Variants in RREB1 observed in about 807,000 individuals in gnomAD.
RREB1 encodes the protein ras-responsive element-binding protein 1.
RREB1 carries 27 observed loss-of-function variants against 117.8 expected under a neutral mutation model. The observed-to-expected ratio is 0.23, with a 90% CI of 0.17 to 0.32. The LOEUF (loss-of-function observed/expected upper bound fraction) is 0.32, where lower values mean the gene tolerates loss of function less well. RREB1 is among the 10% of genes least tolerant of loss of function. The pLI, the probability that RREB1 is intolerant of heterozygous loss-of-function variation, is 1.00. For synonymous variants in RREB1, 1,298 were observed against 1,026.7 expected (o/e 1.26, Z -5.05); for missense variants, 2,577 against 2,378.2 (o/e 1.08, Z -1.74).
chr6:7,172,697 G>C lies in RREB1; in HGVS notation c.-284-3958G>C, dbSNP rs974259175. 6.8e-5 allele frequency among the ~76,000 whole-genome samples: 10 copies of C among 147,588 alleles called. No homozygotes were observed. In the East Asian group the frequency reaches 1.2e-3, roughly 17 times the overall value. ...CAGCCACGGGTTGCCGGTGTGGGGGGGTGGGGGTGACTTTCTTGGGTTGCC... is the reference window on the plus strand; with the variant it reads ...CAGCCACGGGTTGCCGGTGTGGGGGCGTGGGGGTGACTTTCTTGGGTTGCC... On this transcript the variant is annotated intron_variant, in intron 1 of 12. Transcript: ENST00000379938.
In RREB1 at chr6:7,231,163, G is replaced by A. The variant is rs1203632708; in HGVS notation, c.3064G>A (p.Ala1022Thr). The A allele has an allele frequency of 8.1e-6, 13 of 1,611,804 alleles. No individual in the cohort carries two copies. The highest frequency in any genetic ancestry group is 1.1e-5 in the South Asian group (1 of 91,060). The change falls in exon 10 of 13, where the codon GCC (alanine) becomes ACC (threonine). Residue 1022 changes from alanine to threonine, a missense_variant. Coordinates refer to ENST00000379938, the MANE Select transcript of RREB1 (RefSeq NM_001003699.4). ...VQLAVPIYSS[A>T]LVSSPPLVGS... Reference sequence around the variant, plus strand: ...GCTGGCGGTCCCAATCTACTCCTCAGCCCTGGTCAGCAGCCCTCCACTCGT... The same window carrying A: ...GCTGGCGGTCCCAATCTACTCCTCAACCCTGGTCAGCAGCCCTCCACTCGT...
chr6:7,246,073 G>C (rs546898306), intron 11 of RREB1, among the ~76,000 whole-genome samples: 5 of 152,304 alleles, frequency 3.3e-5, no homozygotes, highest in Admixed American at 2.6e-4. Context: ...AGCGCTGCGA[G>C]TCTCTGGAAT....
At chr6:7,204,217 A>G (rs1048130952) in intron 6 of RREB1, among the ~76,000 whole-genome samples, 1 of 152,136 alleles carries the variant, frequency 6.6e-6, no homozygotes, top group African/African-American at 2.4e-5. Flanking sequence ...CTGAACCCAT[A>G]CAACACCTGA....
At chr6:7,221,979 A>G (rs76640217) in intron 8 of RREB1, among the ~76,000 whole-genome samples, 15,695 of 152,254 alleles carry the variant, frequency 0.1, 1,321 homozygotes, top group East Asian at 0.38. Flanking sequence ...GCAGTTTTCA[A>G]AGCACTTTGT....
Position 7,230,676 on chromosome 6 carries a change from C to T in RREB1, c.2577C>T (p.Leu859=). ...GCAALGDCKP[L]TAFLEPQNGF... ...CTGCCCTTGGTGACTGCAAGCCCCT[C>T]ACTGCCTTCCTGGAACCCCAGAACG... Residue 859 remains leucine, a synonymous_variant, in exon 10 of 13, where the codon CTC becomes CTT. Transcript: ENST00000379938. The T allele has an allele frequency of 6.3e-7, 1 of 1,594,270 alleles. No homozygotes were observed. Among genetic ancestry groups the T allele is most frequent in the South Asian group, 1.1e-5 (1 of 88,530 alleles).
At chr6:7,134,839 G>A (rs927946739) in intron 1 of RREB1, among the ~76,000 whole-genome samples, 2 of 152,330 alleles carry the variant, frequency 1.3e-5, no homozygotes, top group Admixed American at 1.3e-4. Flanking sequence ...GTTCTGAACC[G>A]CAAGTGGAGT....
chr6:7,179,118 T>A (rs577907695), intron 2 of RREB1, among the ~76,000 whole-genome samples: 7 of 152,348 alleles, frequency 4.6e-5, no homozygotes, highest in African/African-American at 1.7e-4. Flanking sequence ...TTCCCTCCTC[T>A]CCACTTCCTT....
At chr6:7,174,487 AG>A (rs1764403984) in intron 1 of RREB1, among the ~76,000 whole-genome samples, 1 of 152,170 alleles carries the variant, frequency 6.6e-6, no homozygotes, top group Admixed American at 6.5e-5. Flanking sequence ...TTTAAAATGA[AG>A]GGAAATAAAA....
chr6:7,145,050 G>A (rs1029873392), intron 1 of RREB1, among the ~76,000 whole-genome samples: 1 of 152,066 alleles, frequency 6.6e-6, no homozygotes, highest in Non-Finnish European at 1.5e-5. Flanking sequence ...GTGTAGAGGG[G>A]AAGATCTGTC....
rs1163320176 is a variant in RREB1, at chr6:7,248,646, G to A, written c.4907G>A (p.Gly1636Asp). The change falls in exon 13 of 13, where the codon GGT becomes GAT. Residue 1636 changes from glycine (G) to aspartate (D), a missense_variant. By Grantham distance (94) the Gly-to-Asp change is moderately conservative. Transcript: ENST00000379938. ...HGKDSDKEER[G>D]EEDSENESTH... Reference sequence around the variant, plus strand: ...AAGGACAGCGACAAGGAAGAGCGGGGTGAGGAGGACAGCGAGAATGAGTCC... The same window carrying A: ...AAGGACAGCGACAAGGAAGAGCGGGATGAGGAGGACAGCGAGAATGAGTCC... The A allele has an allele frequency of 1.2e-6, 2 of 1,614,130 alleles. No individual in the cohort carries two copies. The highest frequency in any genetic ancestry group is 3.3e-5 in the Admixed American group (2 of 60,004).
At chr6:7,205,358 AT>A (rs2113604103) in intron 6 of RREB1, among the ~76,000 whole-genome samples, 1 of 152,244 alleles carries the variant, frequency 6.6e-6, no homozygotes, top group Admixed American at 6.5e-5. Flanking sequence ...GATTGTCCCC[AT>A]TTTACCAGTG....
Position 7,231,249 on chromosome 6 carries a change from G to C in RREB1, c.3150G>C (p.Pro1050=), listed in dbSNP as rs146203523. The C allele has an allele frequency of 6.2e-7, 1 of 1,611,698 alleles. No homozygotes were observed. Among genetic ancestry groups the C allele is most frequent in the African/African-American group, 1.3e-5 (1 of 74,770 alleles). Residue 1050 remains proline, a synonymous_variant, in exon 10 of 13, where the codon CCG becomes CCC. Transcript: ENST00000379938. ...TGCGTCCACTGCGGCCCAAGCCCCC[G>C]CTGCTTTTGCCAAAGCCCCCCGTGA... ...ALLRPLRPKP[P]LLLPKPPVTE...
At chr6:7,167,245 C>G (rs1459542607) in intron 1 of RREB1, among the ~76,000 whole-genome samples, 1 of 152,104 alleles carries the variant, frequency 6.6e-6, no homozygotes, top group Non-Finnish European at 1.5e-5. Context: ...CGCCAGATAG[C>G]ATGGCGACTG....
At chr6:7,186,585 G>A (rs570063050) in intron 4 of RREB1, among the ~76,000 whole-genome samples, 1 of 152,332 alleles carries the variant, frequency 6.6e-6, no homozygotes, top group Admixed American at 6.5e-5. Context: ...TAGGGACTGT[G>A]GGGGTGAGGA....
intron 11 of RREB1, among the ~76,000 whole-genome samples, chr6:7,241,895 G>A (rs1258023623): frequency 1.3e-5 from 2 of 152,194 alleles, no homozygotes; most frequent in Non-Finnish European, 2.9e-5. Flanking sequence ...GGGTGCCCAC[G>A]GAATCTTAGC....
intron 8 of RREB1, among the ~76,000 whole-genome samples, chr6:7,221,507 C>T (rs1689877093): frequency 6.6e-6 from 1 of 152,224 alleles, no homozygotes; most frequent in Non-Finnish European, 1.5e-5. Flanking sequence ...TTCCTTTTAA[C>T]CAGCTGCACC....
intron 1 of RREB1, among the ~76,000 whole-genome samples, chr6:7,124,040 A>G (rs906647352): frequency 1.3e-5 from 2 of 152,102 alleles, no homozygotes; most frequent in Non-Finnish European, 2.9e-5. Context: ...GAAAGTGGAC[A>G]CTCTGCTTTA....
intron 1 of RREB1, among the ~76,000 whole-genome samples, chr6:7,173,686 CA>C (rs1250572961): frequency 6.6e-6 from 1 of 151,620 alleles, no homozygotes; most frequent in East Asian, 1.9e-4. Context: ...GGTGTGGTGG[CA>C]CACACGCCTG....
intron 8 of RREB1, chr6:7,218,166 C>A (rs923200788): frequency 2.0e-5 from 3 of 152,178 alleles, no homozygotes; most frequent in African/African-American, 7.2e-5. Flanking sequence ...TTGAAATTTG[C>A]CAATGCAGCC....
Sources: allele counts gnomAD v4.1 joint callset (sites outside exome capture counted in the v4.1 genomes callset), GRCh38; gene constraint gnomAD v4.1.1; transcripts MANE v1.5; gene names NCBI Gene and HGNC (gene_info 2026-07-23, HGNC 2026-07-21).